FOXP1: variants seen among roughly 807,000 people sequenced by gnomAD.
The protein encoded by FOXP1 is forkhead box protein P1.
FOXP1 carries 15 observed loss-of-function variants against 98.2 expected under a neutral mutation model. The observed-to-expected ratio is 0.15, with a 90% CI of 0.10 to 0.24. The LOEUF (loss-of-function observed/expected upper bound fraction) is 0.24. FOXP1 is among the 10% of genes least tolerant of loss of function. The probability of loss-of-function intolerance (pLI) is 1.00; values close to 1 mark genes in which losing one functional copy is unlikely to be tolerated. For missense variants in FOXP1, 633 were observed against 848.5 expected (o/e 0.75, Z 3.15); for synonymous variants, 371 against 314.5 (o/e 1.18, Z -1.90).
chr3:71,146,157 G>T (rs2060297684), intron 6 of FOXP1, among the ~76,000 whole-genome samples: 1 of 152,132 alleles, frequency 6.6e-6, no homozygotes, highest in Admixed American at 6.5e-5. Flanking sequence ...AGTCCCTTCA[G>T]GGTGATGCTT....
At chr3:71,251,198 T>C (rs1439005537) in intron 5 of FOXP1, among the ~76,000 whole-genome samples, 4 of 152,186 alleles carry the variant, frequency 2.6e-5, no homozygotes, top group African/African-American at 7.2e-5. Flanking sequence ...TTGGGACACA[T>C]TGAATGTAAA....
At chr3:71,006,543 G>A (rs914066335) in intron 12 of FOXP1, among the ~76,000 whole-genome samples, 1 of 152,252 alleles carries the variant, frequency 6.6e-6, no homozygotes, top group African/African-American at 2.4e-5. Context: ...CGCTGTCTCA[G>A]ACTTTTGTGA....
At chr3:71,111,830 AT>A (rs2057955934) in intron 7 of FOXP1, among the ~76,000 whole-genome samples, 1 of 152,220 alleles carries the variant, frequency 6.6e-6, no homozygotes, top group South Asian at 2.1e-4. Context: ...CCATTTAAAA[AT>A]TATTGACCTA....
intron 7 of FOXP1, among the ~76,000 whole-genome samples, chr3:71,083,272 T>C (rs1002347677): frequency 2.0e-5 from 3 of 152,116 alleles, no homozygotes; most frequent in Admixed American, 6.6e-5. Flanking sequence ...ACTCCTGCTC[T>C]TGCCATGTGA....
intron 13 of FOXP1, among the ~76,000 whole-genome samples, chr3:70,996,890 G>A (rs1332070823): frequency 6.6e-6 from 1 of 152,144 alleles, no homozygotes; most frequent in Non-Finnish European, 1.5e-5. Context: ...TGAGTGGCAG[G>A]GGAGATTTGT....
intron 13 of FOXP1, among the ~76,000 whole-genome samples, chr3:70,991,716 G>C (rs908137435): frequency 2.0e-5 from 3 of 152,194 alleles, no homozygotes; most frequent in African/African-American, 4.8e-5. Flanking sequence ...AGAGGTAAAG[G>C]CTACTGTGGC....
intron 4 of FOXP1, among the ~76,000 whole-genome samples, chr3:71,338,149 C>T (rs1022802346): frequency 6.6e-6 from 1 of 152,130 alleles, no homozygotes; most frequent in South Asian, 2.1e-4. Context: ...AAATGGGAGG[C>T]TATATGTTCA....
chr3:71,572,486 C>T (rs1388414411), intron 2 of FOXP1: 1 of 128,132 alleles, frequency 7.8e-6, no homozygotes, highest in Non-Finnish European at 1.7e-5. Context: ...TACATGTATC[C>T]ACATGGATGA....
intron 3 of FOXP1, among the ~76,000 whole-genome samples, chr3:71,431,072 A>C (rs1043154743): frequency 6.6e-6 from 1 of 152,222 alleles, no homozygotes; most frequent in African/African-American, 2.4e-5. Flanking sequence ...GAGTGGTGGA[A>C]GATGAGCCGG....
chr3:71,490,745 C>T (rs2091005271), intron 3 of FOXP1, among the ~76,000 whole-genome samples: 1 of 152,052 alleles, frequency 6.6e-6, no homozygotes, highest in South Asian at 2.1e-4. Flanking sequence ...GGGCCAAATC[C>T]AATTGAAATT....
At chr3:71,132,519 T>C (rs894924423) in intron 6 of FOXP1, among the ~76,000 whole-genome samples, 2 of 152,228 alleles carry the variant, frequency 1.3e-5, no homozygotes, top group African/African-American at 4.8e-5. Context: ...TTCTTAAAGC[T>C]GTTTGTTAAC....
chr3:71,117,380 G>C (rs989051510), intron 6 of FOXP1, among the ~76,000 whole-genome samples: 1 of 152,302 alleles, frequency 6.6e-6, no homozygotes, highest in Admixed American at 6.5e-5. Context: ...AGCCACTGTG[G>C]CAGGCCAGAT....
intron 6 of FOXP1, among the ~76,000 whole-genome samples, chr3:71,155,015 AACC>A: frequency 6.6e-6 from 1 of 152,354 alleles, no homozygotes; most frequent in East Asian, 1.9e-4. Context: ...TCTCTTGCCT[AACC>A]ACAGTGAGGT....
intron 2 of FOXP1, among the ~76,000 whole-genome samples, chr3:71,530,924 T>C (rs1402233747): frequency 1.3e-5 from 2 of 152,204 alleles, no homozygotes; most frequent in Non-Finnish European, 2.9e-5. Context: ...AGCTAATTTG[T>C]ACTAACTTTC....
rs2048175999 is a variant in FOXP1, at chr3:71,581,615, A to T, written c.-364T>A. The T allele has an allele frequency of 1.0e-6, 1 of 985,680 alleles. No individual in the cohort carries two copies. The highest frequency in any genetic ancestry group is 1.2e-6 in the Non-Finnish European group (1 of 830,032). 61.1% of individuals were successfully genotyped at this position (985,680 alleles called of 1,614,324 possible). On this transcript the variant is annotated 5_prime_UTR_variant, in exon 2 of 21. The change abolishes an upstream ATG in the 5' untranslated region. Coordinates refer to ENST00000649528, the MANE Select transcript of FOXP1 (RefSeq NM_001349338.3). ...CCGCGGAGGAGGCGCCGGCAGCACC[A>T]TGGTCCCCGGCGCCGCTGCCGCTGC...
In FOXP1 at chr3:71,413,259, G is replaced by GACACAC. The variant is rs528319234; in HGVS notation, c.-167-54021_-167-54016dup. Among the ~76,000 whole-genome samples the GACACAC allele has an allele frequency of 4.2e-3, 268 of 64,430 alleles. 2 individuals are homozygous for GACACAC. Among genetic ancestry groups the GACACAC allele is most frequent in the African/African-American group, 8.0e-3 (149 of 18,574 alleles). 42.3% of individuals were successfully genotyped at this position (64,430 alleles called of 152,430 possible). Reference sequence around the variant, plus strand: ...TAGACACACACACATCCCCCAAATAGACACACACACACACACACACACACA... The same window carrying GACACAC: ...TAGACACACACACATCCCCCAAATAGACACACACACACACACACACACACACACACA... On this transcript the variant is annotated intron_variant, in intron 3 of 20. Coordinates refer to ENST00000649528, the MANE Select transcript of FOXP1 (RefSeq NM_001349338.3).
In FOXP1 at chr3:71,117,080, GA is replaced by G. The variant is rs1344007084; in HGVS notation, c.181-4444del. Among the ~76,000 whole-genome samples the G allele has an allele frequency of 2.1e-5, 3 of 142,620 alleles. No homozygotes were observed. In the East Asian group the frequency reaches 6.9e-4, roughly 33 times the overall value. The allele number at this position is 142,620 out of a possible 152,430, so 93.6% of individuals were successfully genotyped here. A position where few individuals can be genotyped will look rare whatever the true frequency, so the allele number is the denominator to read the frequency against. ...CTCCAACTCCAATGCCTAATCCCCA[GA>G]GATAAATCTTTTTTTTTTTTCTTTG... On this transcript the variant is annotated intron_variant, in intron 6 of 20. Transcript: ENST00000649528.
At chr3:71,511,717 T>C (rs574698077) in intron 2 of FOXP1, among the ~76,000 whole-genome samples, 3 of 152,336 alleles carry the variant, frequency 2.0e-5, no homozygotes, top group East Asian at 1.9e-4. Context: ...TGATCACTTA[T>C]AGCAATCCTT....
chr3:71,065,045 G>GCCGCGCCCCACACAATGGGCTCCGCGGC (rs1245120916), intron 7 of FOXP1: 2 of 135,640 alleles, frequency 1.5e-5, no homozygotes, highest in African/African-American at 2.7e-5. Context: ...GCCGCGCCGC[G>GCCGCGCCCCACACAATGGGCTCCGCGGC]CCGCGCCCCA....
Sources: allele counts gnomAD v4.1 joint callset (sites outside exome capture counted in the v4.1 genomes callset), GRCh38; gene constraint gnomAD v4.1.1; transcripts MANE v1.5; gene names NCBI Gene and HGNC (gene_info 2026-07-23, HGNC 2026-07-21).